Variants in KSR2 observed in about 807,000 individuals in gnomAD.
The protein encoded by KSR2 is kinase suppressor of ras 2.
In KSR2, 25 loss-of-function variants were observed where a neutral mutation model predicts 107.8. The observed-to-expected ratio is 0.23, with a 90% CI of 0.17 to 0.32. The LOEUF is 0.32. Ranked by LOEUF, KSR2 falls within the 10% of genes least tolerant of loss-of-function variation. KSR2 has a pLI of 1.00. For synonymous variants in KSR2, 480 were observed against 507.0 expected (o/e 0.95, Z 0.71); for missense variants, 887 against 1,268.9 (o/e 0.70, Z 4.57).
rs141861283 is a variant in KSR2 at position 117,544,384 on chromosome 12, C to A, written c.1519-4497G>T. Among the ~76,000 whole-genome samples the A allele has an allele frequency of 3.0e-3, 460 of 152,218 alleles. 2 individuals are homozygous for A. Among genetic ancestry groups the A allele is most frequent in the African/African-American group, 0.011 (442 of 41,540 alleles). On this transcript the variant is annotated intron_variant, in intron 9 of 19. Transcript: ENST00000339824. ...CTTGTAATCCTAGCACTTTGGGAGG[C>A]CGAGATGGGCAGATCACAAGGTCAG...
At chr12:117,566,355 C>T (rs921399798) in intron 7 of KSR2, among the ~76,000 whole-genome samples, 7 of 152,080 alleles carry the variant, frequency 4.6e-5, no homozygotes, top group African/African-American at 7.2e-5. Context: ...CCTGACCTCA[C>T]GTGATCTGCC....
At chr12:117,726,647 T>G (rs1048153942) in intron 4 of KSR2, among the ~76,000 whole-genome samples, 1 of 152,216 alleles carries the variant, frequency 6.6e-6, no homozygotes, top group Admixed American at 6.5e-5. Flanking sequence ...AATTCAAAAT[T>G]GCCCCATATT....
At position 117,774,378 on chromosome 12, in the gene KSR2, AT is replaced by A. The variant is rs574241283; in HGVS notation, c.473-12855del. ...AGCAAGAATCTTAATCTAAGACCTCATTAATGAGCTTGGCATTCAGCAGAAC... is the reference window on the plus strand; with the variant it reads ...AGCAAGAATCTTAATCTAAGACCTCATAATGAGCTTGGCATTCAGCAGAAC... On this transcript the variant is annotated intron_variant, in intron 3 of 19. Transcript: ENST00000339824. 9.8e-5 allele frequency among the ~76,000 whole-genome samples: 15 copies of A among 152,362 alleles called. No individual in the cohort carries two copies. The East Asian group carries it at 2.9e-3, about 29-fold the overall frequency.
chr12:117,469,135 A>G (rs1871293980), intron 19 of KSR2, among the ~76,000 whole-genome samples: 1 of 152,168 alleles, frequency 6.6e-6, no homozygotes, highest in South Asian at 2.1e-4. Flanking sequence ...GCCAGAAACA[A>G]GGGGGAGGAG....
chr12:117,964,894 C>T (rs1896747083), intron 1 of KSR2, among the ~76,000 whole-genome samples: 1 of 152,204 alleles, frequency 6.6e-6, no homozygotes, highest in Non-Finnish European at 1.5e-5. Context: ...TGACTATGTG[C>T]CATGGCTGCC....
chr12:117,885,734 C>T (rs967762444), intron 1 of KSR2, among the ~76,000 whole-genome samples: 4 of 150,326 alleles, frequency 2.7e-5, no homozygotes, highest in Middle Eastern at 3.4e-3. Flanking sequence ...TACCTAATGC[C>T]TGCGGGGCGT....
intron 14 of KSR2, among the ~76,000 whole-genome samples, chr12:117,493,230 G>A (rs1872839684): frequency 6.6e-6 from 1 of 152,044 alleles, no homozygotes; most frequent in African/African-American, 2.4e-5. Flanking sequence ...GACGACAACT[G>A]TTCCTCACTG....
At chr12:117,482,300 G>A (rs1039427707) in intron 16 of KSR2, among the ~76,000 whole-genome samples, 3 of 151,956 alleles carry the variant, frequency 2.0e-5, no homozygotes, top group African/African-American at 4.8e-5. Flanking sequence ...CCCCCTCCCC[G>A]CCATCTGATT....
intron 14 of KSR2, among the ~76,000 whole-genome samples, chr12:117,521,472 G>C (rs1262869582): frequency 1.3e-4 from 20 of 152,186 alleles, no homozygotes; most frequent in Admixed American, 1.3e-3. Flanking sequence ...TGATTGCGCA[G>C]ACCGTCGATA....
intron 1 of KSR2, among the ~76,000 whole-genome samples, chr12:117,947,846 C>T (rs996374852): frequency 2.0e-5 from 3 of 152,052 alleles, no homozygotes; most frequent in Non-Finnish European, 4.4e-5. Flanking sequence ...CTGAAAACTA[C>T]AAAATGCTGA....
chr12:117,697,392 G>T (rs1387666528), intron 4 of KSR2, among the ~76,000 whole-genome samples: 1 of 152,192 alleles, frequency 6.6e-6, no homozygotes, highest in Non-Finnish European at 1.5e-5. Context: ...TTTAATGAAA[G>T]TTCAAGACGC....
rs111819631 is a variant in KSR2 at position 117,566,385 on chromosome 12, G to A, written c.1326-7812C>T. Among the ~76,000 whole-genome samples the A allele has an allele frequency of 3.0e-3, 459 of 152,326 alleles. 3 individuals carry two copies. The highest frequency in any genetic ancestry group is 0.01 in the African/African-American group (434 of 41,564). On this transcript the variant is annotated intron_variant, in intron 7 of 19. Coordinates refer to ENST00000339824, the MANE Select transcript of KSR2 (RefSeq NM_173598.6). ...TCTGCCTACCTTGGCCTCCCAAAGTGCTGGGATTACAGGCGTGAGCCACTG... is the reference window on the plus strand; with the variant it reads ...TCTGCCTACCTTGGCCTCCCAAAGTACTGGGATTACAGGCGTGAGCCACTG...
Position 117,591,170 on chromosome 12 carries a change from T to C in KSR2, c.1172-8811A>G, listed in dbSNP as rs558430691. 7.9e-5 allele frequency among the ~76,000 whole-genome samples: 12 copies of C among 152,320 alleles called. No individual in the cohort carries two copies. The South Asian group carries it at 2.5e-3, about 32-fold the overall frequency. The stretch of plus-strand genomic sequence containing the variant: ...AACCCCTCACTGTCTCTTCGTAGAA[T>C]AGTCCATGAGGGGGCAATGTCTCTA... On this transcript the variant is annotated intron_variant, in intron 5 of 19. Transcript: ENST00000339824.
intron 16 of KSR2, among the ~76,000 whole-genome samples, chr12:117,479,769 C>G (rs1190015005): frequency 2.0e-5 from 3 of 152,334 alleles, no homozygotes; most frequent in African/African-American, 4.8e-5. Flanking sequence ...CTCAAACTAA[C>G]TAGCAAACAC....
chr12:117,506,256 AG>A (rs1331545187), intron 14 of KSR2, among the ~76,000 whole-genome samples: 1 of 152,216 alleles, frequency 6.6e-6, no homozygotes, highest in Non-Finnish European at 1.5e-5. Flanking sequence ...CTAAATATCA[AG>A]GCTTTCAGAT....
chr12:117,872,792 C>G (rs549261842), intron 1 of KSR2, among the ~76,000 whole-genome samples: 205 of 152,272 alleles, frequency 1.3e-3, no homozygotes, highest in African/African-American at 4.7e-3. Flanking sequence ...AGGGCAGAAA[C>G]CCCATTCTAG....
At chr12:117,877,964 G>A (rs1267987941) in intron 1 of KSR2, among the ~76,000 whole-genome samples, 2 of 152,176 alleles carry the variant, frequency 1.3e-5, no homozygotes, top group East Asian at 1.9e-4. Context: ...CCGGCCCTAT[G>A]AGAGATGGGT....
In KSR2 at chr12:117,697,681, A is replaced by G. The variant is rs183037996; in HGVS notation, c.987-30023T>C. Among the ~76,000 whole-genome samples the G allele has an allele frequency of 5.4e-3, 814 of 150,444 alleles. 4 individuals are homozygous for G. Among genetic ancestry groups the G allele is most frequent in the African/African-American group, 0.019 (772 of 40,798 alleles). The stretch of plus-strand genomic sequence containing the variant: ...CTTGAACCCAGGAGGCGGAGGTTGC[A>G]GTCAGCCGAGATCGCGCCACTGCAC... On this transcript the variant is annotated intron_variant, in intron 4 of 19. Transcript: ENST00000339824.
chr12:117,555,446 G>A (rs1284613033), intron 8 of KSR2, among the ~76,000 whole-genome samples, 153 bp from the exon 9 acceptor site: 2 of 152,138 alleles, frequency 1.3e-5, no homozygotes, highest in African/African-American at 4.8e-5. Flanking sequence ...GTGGGATCAG[G>A]GTATACTCTG....
Sources: gnomAD v4.1 joint callset for allele counts (sites outside exome capture counted in the v4.1 genomes callset) on GRCh38, gnomAD v4.1.1 for gene constraint, MANE v1.5 for transcripts, NCBI Gene and HGNC (gene_info 2026-07-23, HGNC 2026-07-21) for gene names.